GRB14: variants seen among roughly 807,000 people sequenced by gnomAD.
The protein encoded by GRB14 is growth factor receptor bound protein 14.
In GRB14, 38 loss-of-function variants were observed where a neutral mutation model predicts 69.1. The observed-to-expected ratio is 0.55, with a 90% confidence interval of 0.42 to 0.72. GRB14 has a LOEUF of 0.72. GRB14 is among the 30% of genes least tolerant of loss of function. GRB14 has a pLI of 0.00. For synonymous variants in GRB14, 247 were observed against 241.3 expected (o/e 1.02, Z -0.22); for missense variants, 666 against 666.1 (o/e 1.00, Z 0.00).
chr2:164,575,348 G>T (rs1689227513), intron 2 of GRB14, among the ~76,000 whole-genome samples: 2 of 152,136 alleles, frequency 1.3e-5, no homozygotes, highest in South Asian at 4.1e-4. Flanking sequence ...TCATCCAAGT[G>T]ATTGTAAAAA....
In GRB14 at chr2:164,495,851, G is replaced by T. The variant is rs535790026; in HGVS notation, c.1382+1157C>A. Reference sequence around the variant, plus strand: ...TTGGCACCATCACATCTCTCCAAAAGAATACCAAAAATACTAAAAATAAGA... The same window carrying T: ...TTGGCACCATCACATCTCTCCAAAATAATACCAAAAATACTAAAAATAAGA... On this transcript the variant is annotated intron_variant, in intron 12 of 13. Transcript: ENST00000263915. Among the ~76,000 whole-genome samples the T allele has an allele frequency of 5.3e-5, 8 of 152,172 alleles. No homozygotes were observed. The South Asian group carries it at 1.7e-3, about 32-fold the overall frequency.
chr2:164,597,720 A>G (rs1689817069), intron 2 of GRB14, among the ~76,000 whole-genome samples: 1 of 151,988 alleles, frequency 6.6e-6, no homozygotes, highest in Non-Finnish European at 1.5e-5. Context: ...GAAAGGAGTG[A>G]GAGAGAGGAA....
At chr2:164,572,600 T>G (rs1219848687) in intron 2 of GRB14, among the ~76,000 whole-genome samples, 1 of 152,240 alleles carries the variant, frequency 6.6e-6, no homozygotes, top group Non-Finnish European at 1.5e-5. Flanking sequence ...TTTCATCTCA[T>G]TTTACAGATT....
chr2:164,522,242 T>C, intron 5 of GRB14, 125 bp from the exon 6 acceptor site: 1 of 625,030 alleles, frequency 1.6e-6, no homozygotes. Context: ...CATATAACAT[T>C]ATGGTAATTA....
At chr2:164,493,479 T>C (rs748651697) in intron 13 of GRB14, among the ~76,000 whole-genome samples, 3 of 152,138 alleles carry the variant, frequency 2.0e-5, no homozygotes, top group Non-Finnish European at 2.9e-5. Flanking sequence ...ATCTACAATA[T>C]TCAGAGTAAA....
chr2:164,613,190 C>G (rs746198423), intron 2 of GRB14, among the ~76,000 whole-genome samples: 1 of 152,118 alleles, frequency 6.6e-6, no homozygotes, highest in African/African-American at 2.4e-5. Flanking sequence ...GAACTGGGTA[C>G]GTTAAGTCAA....
intron 2 of GRB14, among the ~76,000 whole-genome samples, chr2:164,594,148 T>TA (rs537058738): frequency 0.022 from 3,123 of 140,886 alleles, 48 homozygotes; most frequent in African/African-American, 0.04. Context: ...GTCTGTCTAA[T>TA]AAAAAAAAAA....
chr2:164,610,887 A>G (rs1174100384), intron 2 of GRB14, among the ~76,000 whole-genome samples: 1 of 144,074 alleles, frequency 6.9e-6, no homozygotes, highest in African/African-American at 2.6e-5. Flanking sequence ...AAAAAAAAAA[A>G]AAACAGGCTA....
At chr2:164,540,377 G>A (rs1264157332) in intron 3 of GRB14, among the ~76,000 whole-genome samples, 2 of 152,154 alleles carry the variant, frequency 1.3e-5, no homozygotes, top group African/African-American at 4.8e-5. Context: ...TTGGGAGTCC[G>A]AGGCGGGTGG....
intron 6 of GRB14, among the ~76,000 whole-genome samples, chr2:164,517,320 A>T (rs1687518049): frequency 6.6e-6 from 1 of 152,150 alleles, no homozygotes; most frequent in Non-Finnish European, 1.5e-5. Context: ...CACACAGCAC[A>T]TGGGAATTAT....
chr2:164,527,174 CAAATATATATATATATATAT>C, intron 3 of GRB14, 39 bp from the exon 4 acceptor site: 4 of 330,888 alleles, frequency 1.2e-5, no homozygotes, highest in Non-Finnish European at 2.0e-5. Flanking sequence ...GACAGATAGA[CAAATATATATATATATATAT>C]ATATATATAT....
At chr2:164,525,548 T>TACC (rs2105286934) in intron 4 of GRB14, among the ~76,000 whole-genome samples, 1 of 152,152 alleles carries the variant, frequency 6.6e-6, no homozygotes, top group African/African-American at 2.4e-5. Context: ...TCTTTCTACC[T>TACC]ACCATTTTTC....
At chr2:164,526,821 T>A (rs1687785133) in intron 4 of GRB14, among the ~76,000 whole-genome samples, 193 bp downstream of exon 4, 1 of 151,956 alleles carries the variant, frequency 6.6e-6, no homozygotes, top group African/African-American at 2.4e-5. Context: ...TGCACCTGTG[T>A]ATCTGAACTT....
chr2:164,540,650 C>G (rs749825742), intron 3 of GRB14, among the ~76,000 whole-genome samples: 1 of 152,080 alleles, frequency 6.6e-6, no homozygotes, highest in Non-Finnish European at 1.5e-5. Context: ...CCCTTCTGCT[C>G]TAGCACTCAC....
At position 164,564,650 on chromosome 2, in the gene GRB14, T is replaced by C. The variant is rs368916352; in HGVS notation, c.325-16834A>G. ...AGATTTCAGAAGATACTTCAGGATC[T>C]TGTGTGCTTATGAACATCTCCTGTA... On this transcript the variant is annotated intron_variant, in intron 2 of 13. Coordinates refer to ENST00000263915, the MANE Select transcript of GRB14 (RefSeq NM_004490.3). 1.3e-4 allele frequency among the ~76,000 whole-genome samples: 20 copies of C among 152,328 alleles called. No individual in the cohort carries two copies. The East Asian group carries it at 3.7e-3, about 28-fold the overall frequency.
chr2:164,497,129 G>C, intron 11 of GRB14, 34 bp from the exon 12 acceptor site: 1 of 1,603,910 alleles, frequency 6.2e-7, no homozygotes. Context: ...GCAAAGCTTT[G>C]TTTGAGATGA....
chr2:164,524,950 A>G lies in GRB14; in HGVS notation c.678+54T>C. The stretch of plus-strand genomic sequence containing the variant: ...TGGGCATGTATAAAAAAGGACTTAA[A>G]AGTTTTCCTTCATTATGCTATTATT... On this transcript the variant is annotated intron_variant, in intron 5 of 13. Transcript: ENST00000263915. 10 of 976,942 alleles carry G rather than the reference A, an allele frequency of 1.0e-5. No homozygotes were observed. In the South Asian group the frequency reaches 1.3e-4, roughly 12 times the overall value. The allele number at this position is 976,942 out of a possible 1,614,324, so 60.5% of individuals were successfully genotyped here.
chr2:164,502,462 C>G (rs561497533), intron 8 of GRB14, 127 bp from the exon 9 acceptor site: 1 of 592,548 alleles, frequency 1.7e-6, no homozygotes, highest in South Asian at 2.4e-5. Context: ...GTAAAGCAAC[C>G]AAAATTTTGA....
intron 2 of GRB14, chr2:164,568,213 G>T: frequency 5.5e-6 from 3 of 546,184 alleles, no homozygotes; most frequent in East Asian, 7.2e-5. Flanking sequence ...CTCTTTCAAG[G>T]GTATGTAAGT....
Sources: allele counts gnomAD v4.1 joint callset (sites outside exome capture counted in the v4.1 genomes callset), GRCh38; gene constraint gnomAD v4.1.1; transcripts MANE v1.5; gene names NCBI Gene and HGNC (gene_info 2026-07-23, HGNC 2026-07-21).